The following DOCK9 variants were observed in gnomAD, a reference collection of about 807,000 sequenced individuals.
DOCK9 encodes dedicator of cytokinesis 9.
Under a neutral mutation model 263.3 loss-of-function variants are expected in DOCK9, and 89 were observed. That is an observed-to-expected ratio of 0.34 (90% CI 0.28 to 0.40). DOCK9 has a LOEUF of 0.40. DOCK9 is among the 10% of genes least tolerant of loss of function. DOCK9 has a pLI of 1.00. For missense variants in DOCK9, 2,140 were observed against 2,603.4 expected, an observed-to-expected ratio of 0.82 and a Z score of 3.87; for synonymous variants, 976 against 973.1, an observed-to-expected ratio of 1.00 and a Z score of -0.06.
intron 47 of DOCK9, among the ~76,000 whole-genome samples, chr13:98,808,371 T>C (rs547469280): frequency 1.2e-4 from 18 of 152,358 alleles, no homozygotes; most frequent in Non-Finnish European, 2.6e-4. Context: ...CCAGTCATCA[T>C]CTGTTTTAGC....
intron 5 of DOCK9, among the ~76,000 whole-genome samples, chr13:98,922,572 G>A (rs1385627380): frequency 6.6e-6 from 1 of 152,172 alleles, no homozygotes; most frequent in East Asian, 1.9e-4. Flanking sequence ...CTTAGTTCAG[G>A]GAAAGGTGAA....
intron 1 of DOCK9, among the ~76,000 whole-genome samples, chr13:99,014,736 C>G (rs1159106353): frequency 1.3e-5 from 2 of 152,168 alleles, no homozygotes; most frequent in Admixed American, 6.5e-5. Context: ...GCAAGGCATC[C>G]TGAGAGAGGA....
intron 1 of DOCK9, among the ~76,000 whole-genome samples, chr13:98,968,384 G>C (rs1477936744): frequency 1.3e-5 from 2 of 152,108 alleles, no homozygotes; most frequent in Non-Finnish European, 2.9e-5. Flanking sequence ...ACTTTGGGAA[G>C]CTGAGGCAGG....
At chr13:99,067,769 C>G (rs2041485290) in intron 1 of DOCK9, among the ~76,000 whole-genome samples, 1 of 152,126 alleles carries the variant, frequency 6.6e-6, no homozygotes, top group African/African-American at 2.4e-5. Context: ...GATTCTCCCA[C>G]TGAGTTGCCC....
At position 98,902,303 on chromosome 13, in the gene DOCK9, C is replaced by G; in HGVS notation, c.1365G>C (p.Met455Ile). The G allele has an allele frequency of 6.2e-7, 1 of 1,613,862 alleles. No homozygotes were observed. The highest frequency in any genetic ancestry group is 2.2e-5 in the East Asian group (1 of 44,876). The stretch of plus-strand genomic sequence containing the variant: ...TACTCCCCACCTGCTTCGGATACTG[C>G]ATGGCGGCTTCATGAAGGATGCCCT... ...VLKGILHEAA[M>I]QYPKQGIFSV... The change falls in exon 12 of 53, where the codon ATG (methionine) becomes ATC (isoleucine). Residue 455 changes from methionine to isoleucine, a missense_variant. By Grantham distance (10) the Met-to-Ile change is conservative. This residue lies in a region of DOCK9 where 1,521 missense variants were observed against 1,741.7 expected (regional missense o/e 0.87). Coordinates refer to ENST00000682017, the MANE Select transcript of DOCK9 (RefSeq NM_001366683.2).
chr13:98,908,716 G>T (rs2139689099), intron 9 of DOCK9, among the ~76,000 whole-genome samples: 1 of 152,328 alleles, frequency 6.6e-6, no homozygotes, highest in Middle Eastern at 3.4e-3. Context: ...TCAGTTTGGT[G>T]AAAGGGGAAT....
intron 1 of DOCK9, among the ~76,000 whole-genome samples, chr13:99,080,798 A>G (rs1186341959): frequency 1.3e-5 from 2 of 152,262 alleles, no homozygotes; most frequent in East Asian, 3.9e-4. Flanking sequence ...ACTGTTAGTC[A>G]CCTTAGAGTA....
At chr13:99,041,856 G>T (rs1221885775) in intron 1 of DOCK9, among the ~76,000 whole-genome samples, 2 of 152,228 alleles carry the variant, frequency 1.3e-5, no homozygotes, top group East Asian at 1.9e-4. Context: ...TGCAGCGACT[G>T]GGGTGACATG....
intron 25 of DOCK9, among the ~76,000 whole-genome samples, chr13:98,881,148 CAG>C (rs1303716147): frequency 6.6e-6 from 1 of 152,098 alleles, no homozygotes; most frequent in African/African-American, 2.4e-5. Flanking sequence ...TGCTGTCCCA[CAG>C]AGTCATCTAA....
chr13:98,829,305 A>G lies in DOCK9; in HGVS notation c.4965+2T>C, dbSNP rs1301176807. On this transcript the variant is annotated splice_donor_variant, in intron 43 of 52. Coordinates refer to ENST00000682017, the MANE Select transcript of DOCK9 (RefSeq NM_001366683.2). LOFTEE classifies it high-confidence loss of function. The surrounding 1 kb of genome is among the most constrained non-coding windows in gnomAD (Gnocchi z 4.1). ...CATTCAAGCGGCTGGCAGGGCTACT[A>G]CCTCTGAGAGATCGCCATTTTTGAC... The G allele has an allele frequency of 3.1e-6, 5 of 1,610,196 alleles. No homozygotes were observed. The highest frequency in any genetic ancestry group is 3.4e-6 in the Non-Finnish European group (4 of 1,178,538).
chr13:98,951,041 C>T (rs1595582032), intron 2 of DOCK9, among the ~76,000 whole-genome samples: 1 of 152,172 alleles, frequency 6.6e-6, no homozygotes, highest in South Asian at 2.1e-4. Context: ...ACAGCTTGAC[C>T]TAAAACCTTT....
At chr13:99,087,635 T>G (rs1005005683), upstream of DOCK9, among the ~76,000 whole-genome samples, 1 of 152,148 alleles carries the variant, frequency 6.6e-6, no homozygotes, top group Non-Finnish European at 1.5e-5. Context: ...TCTGTCTCTC[T>G]GAGGAAGCCC....
Position 98,930,256 on chromosome 13 carries a change from G to A in DOCK9, c.245C>T (p.Thr82Met), listed in dbSNP as rs201475039. ...MLLFPYDDFQ[T>M]AILRRQGRYI... ...TCGACCCTGTCGTCTCAGGATGGCC[G>A]TCTGGAAACAAAAACAGGAGGAAAA... The change falls in exon 3 of 53, where the codon ACG becomes ATG. Residue 82 changes from threonine (T) to methionine (M), a missense_variant and splice_region_variant. Around this residue, in one of 2 missense-constraint regions of DOCK9, gnomAD observed 1,521 missense variants for 1,741.7 expected, o/e 0.87. Transcript: ENST00000682017. 56 of 1,607,966 alleles carry A rather than the reference G, an allele frequency of 3.5e-5. No homozygotes were observed. Among genetic ancestry groups the A allele is most frequent in the Middle Eastern group, 1.6e-4 (1 of 6,074 alleles).
chr13:99,030,176 A>T (rs1426050252), intron 1 of DOCK9, among the ~76,000 whole-genome samples: 1 of 152,254 alleles, frequency 6.6e-6, no homozygotes, highest in East Asian at 1.9e-4. Context: ...CTGAAATTAG[A>T]TAATGGTGAG....
At chr13:98,797,329 C>T (rs1024541959) in intron 51 of DOCK9, 60 bp downstream of exon 51, 15 of 1,607,930 alleles carry the variant, frequency 9.3e-6, no homozygotes, top group South Asian at 2.2e-5. Context: ...ATCTCCTTCC[C>T]GAATGAGTAC....
intron 2 of DOCK9, among the ~76,000 whole-genome samples, chr13:98,931,940 C>CT (rs2054015605): frequency 1.3e-5 from 2 of 151,826 alleles, no homozygotes; most frequent in African/African-American, 4.8e-5. Flanking sequence ...GTTGCCCAGG[C>CT]TGGTCTCAAA....
At chr13:98,881,654 A>G (rs1566832166) in intron 24 of DOCK9, 27 bp from the exon 25 acceptor site, 2 of 1,584,742 alleles carry the variant, frequency 1.3e-6, no homozygotes, top group Admixed American at 3.5e-5. Context: ...TGAATAAAGC[A>G]AAGAATATGT....
chr13:98,925,574 CTATT>C (rs775752146), intron 4 of DOCK9, among the ~76,000 whole-genome samples: 1 of 152,098 alleles, frequency 6.6e-6, no homozygotes, highest in Admixed American at 6.5e-5. Flanking sequence ...AAAATTTCAC[CTATT>C]TATTTATCAG....
At chr13:98,902,733 T>C (rs2048482434) in intron 11 of DOCK9, among the ~76,000 whole-genome samples, 1 of 152,224 alleles carries the variant, frequency 6.6e-6, no homozygotes, top group Non-Finnish European at 1.5e-5. Flanking sequence ...CACAGTTGCG[T>C]TCCCTGAAGC....
Sources: allele counts gnomAD v4.1 joint callset (sites outside exome capture counted in the v4.1 genomes callset), GRCh38; gene constraint gnomAD v4.1.1; regional missense constraint gnomAD v4.1.1; non-coding constraint Gnocchi (gnomAD v3.1); transcripts MANE v1.5; gene names NCBI Gene and HGNC (gene_info 2026-07-23, HGNC 2026-07-21).